Variants in RHOG observed in about 807,000 individuals in gnomAD.
The protein encoded by RHOG is rho-related GTP-binding protein RhoG.
A neutral mutation model predicts 12.3 loss-of-function variants in RHOG; 1 was observed. The ratio of observed to expected loss-of-function variants is 0.08; its 90% confidence interval spans 0.03 to 0.39. The LOEUF is 0.39. RHOG is among the 10% of genes least tolerant of loss of function. The pLI is 0.99. For synonymous variants in RHOG, 129 were observed against 116.0 expected (o/e 1.11, Z -0.72); for missense variants, 114 against 266.2 (o/e 0.43, Z 3.98).
In RHOG at chr11:3,826,987, CAGG is replaced by C. The variant is rs1006185856; in HGVS notation, c.*573_*575del. On this transcript the variant is annotated 3_prime_UTR_variant, in exon 2 of 2. Transcript: ENST00000351018. ...AGGGAGGAGCCGGGGCCACTGGAGA[CAGG>C]AGGTTTTATTGATGCTGATGGGGGT... The C allele has an allele frequency of 2.6e-5, 4 of 153,798 alleles. No homozygotes were observed. Among genetic ancestry groups the C allele is most frequent in the African/African-American group, 7.2e-5 (3 of 41,410 alleles). 9.5% of individuals were successfully genotyped at this position (153,798 alleles called of 1,614,324 possible).
intron 1 of RHOG, 62 bp from the exon 2 acceptor site, chr11:3,828,268 G>T: frequency 1.3e-6 from 1 of 795,450 alleles, no homozygotes; most frequent in Admixed American, 2.7e-5. Context: ...GGGAAGAAAA[G>T]ATGGGGGCAC....
At chr11:3,828,680 G>A (rs1197494318) in intron 1 of RHOG, among the ~76,000 whole-genome samples, 2 of 145,018 alleles carry the variant, frequency 1.4e-5, no homozygotes, top group East Asian at 2.0e-4. Flanking sequence ...CTGGAGTGCA[G>A]TGGCGTCATC....
intron 1 of RHOG, among the ~76,000 whole-genome samples, chr11:3,840,188 G>A (rs1022621091): frequency 5.3e-5 from 8 of 152,108 alleles, no homozygotes; most frequent in Non-Finnish European, 1.0e-4. Context: ...TACAGGGCAA[G>A]ACCAAGTTAC....
chr11:3,829,647 T>C (rs1353295827), intron 1 of RHOG, among the ~76,000 whole-genome samples: 1 of 152,134 alleles, frequency 6.6e-6, no homozygotes, highest in East Asian at 1.9e-4. Context: ...CAGTTGGACC[T>C]GGGATTTGGA....
intron 1 of RHOG, among the ~76,000 whole-genome samples, chr11:3,838,829 A>G (rs751635321): frequency 6.6e-6 from 1 of 152,196 alleles, no homozygotes; most frequent in Non-Finnish European, 1.5e-5. Context: ...CTAGAGTGGA[A>G]ACAAGAGCCT....
intron 1 of RHOG, among the ~76,000 whole-genome samples, chr11:3,839,697 G>A (rs1316197800): frequency 1.3e-5 from 2 of 152,064 alleles, no homozygotes; most frequent in Non-Finnish European, 2.9e-5. Flanking sequence ...AGCTAGGGAG[G>A]TTTGAAAAGA....
intron 1 of RHOG, among the ~76,000 whole-genome samples, chr11:3,836,357 C>CAAAAAA (rs61427960): frequency 1.5e-4 from 18 of 119,570 alleles, no homozygotes; most frequent in African/African-American, 4.8e-4. Flanking sequence ...ACTCCATCTC[C>CAAAAAA]AAAAAAAAAA....
At chr11:3,831,804 C>T (rs1280375542) in intron 1 of RHOG, among the ~76,000 whole-genome samples, 2 of 152,154 alleles carry the variant, frequency 1.3e-5, no homozygotes, top group Admixed American at 6.5e-5. Context: ...TTCAGTTCCA[C>T]ACAGAGCAGG....
At chr11:3,836,362 A>AAG (rs1183642292) in intron 1 of RHOG, among the ~76,000 whole-genome samples, 1 of 100,908 alleles carries the variant, frequency 9.9e-6, no homozygotes, top group South Asian at 3.5e-4. Context: ...ATCTCCAAAA[A>AAG]AAAAAAAAAA....
At chr11:3,835,747 C>T (rs1279132012) in intron 1 of RHOG, among the ~76,000 whole-genome samples, 3 of 152,214 alleles carry the variant, frequency 2.0e-5, no homozygotes, top group Non-Finnish European at 2.9e-5. Flanking sequence ...GTGGTCCCGA[C>T]AGGCTACAGA....
intron 1 of RHOG, chr11:3,830,730 T>C (rs1209836041): frequency 6.6e-6 from 1 of 152,006 alleles, no homozygotes; most frequent in Non-Finnish European, 1.5e-5. Context: ...ACATAGCAAG[T>C]GCCCAATAAA....
intron 1 of RHOG, among the ~76,000 whole-genome samples, chr11:3,829,302 G>C (rs1002946019): frequency 2.7e-5 from 4 of 149,842 alleles, no homozygotes; most frequent in African/African-American, 9.9e-5. Flanking sequence ...GTCCAGGCTG[G>C]AGTGCAGTGG....
chr11:3,828,765 C>A (rs1039800754), intron 1 of RHOG, among the ~76,000 whole-genome samples: 9 of 151,550 alleles, frequency 5.9e-5, no homozygotes, highest in African/African-American at 2.2e-4. Context: ...GGACTACAGG[C>A]ACCCACCACC....
rs571587974 is a variant in RHOG, at chr11:3,837,551, G to C, written c.-69+3343C>G. On this transcript the variant is annotated intron_variant, in intron 1 of 1. Transcript: ENST00000351018. Reference sequence around the variant, plus strand: ...AAGAGTCAGAGCCATGATGTTCACTGTTGCCTTTGGAGGTACTGATATGCA... The same window carrying C: ...AAGAGTCAGAGCCATGATGTTCACTCTTGCCTTTGGAGGTACTGATATGCA... Among the ~76,000 whole-genome samples the C allele has an allele frequency of 3.3e-5, 5 of 152,334 alleles. No homozygotes were observed. In the South Asian group the frequency reaches 1.0e-3, roughly 32 times the overall value.
chr11:3,827,635 C>T lies in RHOG; in HGVS notation c.504G>A (p.Val168=). The change falls in exon 2 of 2, where the codon GTG becomes GTA. Residue 168 remains valine (V), a synonymous_variant. Coordinates refer to ENST00000351018, the MANE Select transcript of RHOG (RefSeq NM_001665.4). This position sits in a 1 kb window ranked among gnomAD's most constrained non-coding sequence, Gnocchi z 7.3. ...SALQQDGVKE[V]FAEAVRAVLN... ...GCACAGCCCGGACAGCCTCGGCGAA[C>T]ACTTCCTTGACACCATCCTGTTGCA... 4 of 1,613,706 alleles carry T rather than the reference C, an allele frequency of 2.5e-6. No homozygotes were observed. Among genetic ancestry groups the T allele is most frequent in the Non-Finnish European group, 3.4e-6 (4 of 1,180,032 alleles).
chr11:3,827,064 A>G lies in RHOG; in HGVS notation c.*499T>C, dbSNP rs17173879. 1,312 of 160,352 alleles carry G rather than the reference A, an allele frequency of 8.2e-3. 16 individuals are homozygous for G. Among genetic ancestry groups the G allele is most frequent in the African/African-American group, 0.029 (1,202 of 41,604 alleles). The allele number at this position is 160,352 out of a possible 1,614,324, so 9.9% of individuals were successfully genotyped here. A position where few individuals can be genotyped will look rare whatever the true frequency, so the allele number is the denominator to read the frequency against. ...GGGCTGAGTCAGTCAGCAAATGCGT[A>G]AGGCCTAGGCACAGAGGAGCAGGTT... On this transcript the variant is annotated 3_prime_UTR_variant, in exon 2 of 2. Transcript: ENST00000351018. This position sits in a 1 kb window ranked among gnomAD's most constrained non-coding sequence, Gnocchi z 7.3.
intron 1 of RHOG, among the ~76,000 whole-genome samples, chr11:3,837,614 T>C (rs182206063): frequency 7.9e-4 from 120 of 152,300 alleles, no homozygotes; most frequent in Middle Eastern, 3.4e-3. Flanking sequence ...AGAAACCAAG[T>C]TGACCAGGTA....
intron 1 of RHOG, among the ~76,000 whole-genome samples, chr11:3,828,658 C>G (rs2090104285): frequency 7.1e-6 from 1 of 140,142 alleles, no homozygotes; most frequent in Admixed American, 7.3e-5. Context: ...GAGTCTCACT[C>G]TGTCACCCAG....
At chr11:3,839,650 C>T (rs1443378843) in intron 1 of RHOG, among the ~76,000 whole-genome samples, 2 of 150,108 alleles carry the variant, frequency 1.3e-5, no homozygotes, top group African/African-American at 2.5e-5. Context: ...CTCTTTAATC[C>T]GTCTCTATCA....
Sources: gnomAD v4.1 joint callset for allele counts (sites outside exome capture counted in the v4.1 genomes callset) on GRCh38, gnomAD v4.1.1 for gene constraint, Gnocchi (gnomAD v3.1) non-coding constraint, MANE v1.5 for transcripts, NCBI Gene and HGNC (gene_info 2026-07-23, HGNC 2026-07-21) for gene names.